The following GALNT17 variants were observed in gnomAD, a reference collection of about 807,000 sequenced individuals.
GALNT17 encodes UDP-GalNAc:polypeptide N-acetylgalactosaminyltransferase-like 3.
In GALNT17, 29 loss-of-function variants were observed where a neutral mutation model predicts 63.7. That is an observed-to-expected ratio of 0.46 (90% confidence interval 0.34 to 0.62). The LOEUF (loss-of-function observed/expected upper bound fraction) is 0.62, where lower values mean the gene tolerates loss of function less well. Ranked by LOEUF, GALNT17 falls within the 20% of genes least tolerant of loss-of-function variation. GALNT17 has a pLI of 0.01. For synonymous variants in GALNT17, 305 were observed against 318.3 expected (o/e 0.96, Z 0.45); for missense variants, 603 against 799.6 (o/e 0.75, Z 2.97).
chr7:71,243,520 A>T (rs1215894464), intron 1 of GALNT17, among the ~76,000 whole-genome samples: 1 of 152,128 alleles, frequency 6.6e-6, no homozygotes, highest in African/African-American at 2.4e-5. Context: ...CCACAAGCAG[A>T]AATATGCAAT....
chr7:71,229,175 A>G (rs914552041), intron 1 of GALNT17, among the ~76,000 whole-genome samples: 12 of 152,156 alleles, frequency 7.9e-5, no homozygotes, highest in Non-Finnish European at 1.8e-4. Flanking sequence ...CCATTTTATG[A>G]TCATGGGTGG....
intron 5 of GALNT17, among the ~76,000 whole-genome samples, chr7:71,429,569 A>T (rs530708522): frequency 1.2e-4 from 19 of 152,282 alleles, no homozygotes; most frequent in Non-Finnish European, 2.5e-4. Context: ...TAGAGATAAG[A>T]TCTCACTCTG....
chr7:71,259,547 A>G (rs1490391778), intron 1 of GALNT17, among the ~76,000 whole-genome samples: 1 of 152,068 alleles, frequency 6.6e-6, no homozygotes, highest in Non-Finnish European at 1.5e-5. Flanking sequence ...TGCTTAGTGG[A>G]CAGTGTCACA....
At chr7:71,451,975 C>G (rs1442470418) in intron 5 of GALNT17, among the ~76,000 whole-genome samples, 1 of 151,682 alleles carries the variant, frequency 6.6e-6, no homozygotes, top group African/African-American at 2.4e-5. Flanking sequence ...TTTTGGAGGC[C>G]AAGGCAGGAG....
chr7:71,652,413 T>C (rs1391808898), intron 6 of GALNT17, among the ~76,000 whole-genome samples: 1 of 152,156 alleles, frequency 6.6e-6, no homozygotes, highest in Non-Finnish European at 1.5e-5. Flanking sequence ...TGAAAGAGAA[T>C]GTTGATTTAA....
intron 1 of GALNT17, among the ~76,000 whole-genome samples, chr7:71,314,630 T>C (rs577512318): frequency 1.3e-5 from 2 of 152,272 alleles, no homozygotes; most frequent in African/African-American, 2.4e-5. Flanking sequence ...TTGAGATTAA[T>C]TTACATCCCA....
chr7:71,676,340 A>G (rs977883363), intron 8 of GALNT17, among the ~76,000 whole-genome samples: 2 of 151,988 alleles, frequency 1.3e-5, no homozygotes, highest in African/African-American at 4.8e-5. Flanking sequence ...GAATATATAA[A>G]TAGATACTGC....
intron 5 of GALNT17, among the ~76,000 whole-genome samples, chr7:71,477,135 A>G (rs1394990915): frequency 1.3e-5 from 2 of 152,176 alleles, no homozygotes; most frequent in African/African-American, 4.8e-5. Flanking sequence ...ATAATTAATT[A>G]TCATCATCAT....
intron 1 of GALNT17, among the ~76,000 whole-genome samples, chr7:71,329,865 T>C (rs1235494349): frequency 6.6e-6 from 1 of 151,928 alleles, no homozygotes; most frequent in African/African-American, 2.4e-5. Context: ...GCCATATACC[T>C]TGGAGGTCCT....
intron 1 of GALNT17, chr7:71,284,742 C>G (rs1790842040): frequency 6.6e-6 from 1 of 152,182 alleles, no homozygotes; most frequent in South Asian, 2.1e-4. Flanking sequence ...TTAAGAAGTT[C>G]TAGAGGCAGG....
intron 1 of GALNT17, among the ~76,000 whole-genome samples, chr7:71,334,203 AT>A (rs1791857437): frequency 6.6e-6 from 1 of 152,162 alleles, no homozygotes; most frequent in South Asian, 2.1e-4. Flanking sequence ...CAGAAAATAA[AT>A]TTCTGTTTTC....
intron 6 of GALNT17, among the ~76,000 whole-genome samples, chr7:71,615,062 C>T (rs547784712): frequency 6.6e-6 from 1 of 152,242 alleles, no homozygotes; most frequent in Admixed American, 6.5e-5. Flanking sequence ...TCAAGACCAG[C>T]GTGATTGGCA....
At chr7:71,383,819 G>C (rs762402582) in intron 2 of GALNT17, among the ~76,000 whole-genome samples, 1 of 152,110 alleles carries the variant, frequency 6.6e-6, no homozygotes, top group East Asian at 1.9e-4. Flanking sequence ...GATTAGAAAG[G>C]CTGACTCCAC....
In GALNT17 at chr7:71,364,959, C is replaced by T. The variant is rs188279197; in HGVS notation, c.423-23276C>T. Among the ~76,000 whole-genome samples, 205 of 120,624 alleles carry T rather than the reference C, an allele frequency of 1.7e-3. 1 individual carries two copies. Among genetic ancestry groups the T allele is most frequent in the African/African-American group, 6.3e-3 (193 of 30,852 alleles). The allele number at this position is 120,624 out of a possible 152,430, so 79.1% of individuals were successfully genotyped here. On this transcript the variant is annotated intron_variant, in intron 2 of 10. Coordinates refer to ENST00000333538, the MANE Select transcript of GALNT17 (RefSeq NM_022479.3). ...TATTATTTTTATTTTGAGATGGAGT[C>T]TCACTCTGTCCCCCAGGCTGGAGTG...
At chr7:71,202,254 A>T (rs533574318) in intron 1 of GALNT17, among the ~76,000 whole-genome samples, 1 of 152,198 alleles carries the variant, frequency 6.6e-6, no homozygotes, top group Non-Finnish European at 1.5e-5. Context: ...AATTAGATAA[A>T]TTTTAATTAA....
At chr7:71,322,674 A>T (rs777325945) in intron 1 of GALNT17, among the ~76,000 whole-genome samples, 4 of 152,192 alleles carry the variant, frequency 2.6e-5, no homozygotes, top group Non-Finnish European at 2.9e-5. Flanking sequence ...TTTGGAGATG[A>T]GGCCTTTCGG....
chr7:71,231,759 A>C (rs1297537064), intron 1 of GALNT17, among the ~76,000 whole-genome samples: 3 of 150,334 alleles, frequency 2.0e-5, no homozygotes, highest in South Asian at 4.2e-4. Context: ...GGAGAGAGAG[A>C]GAGAGGGAGA....
At chr7:71,557,845 G>A (rs1363717866) in intron 5 of GALNT17, among the ~76,000 whole-genome samples, 3 of 151,958 alleles carry the variant, frequency 2.0e-5, no homozygotes, top group South Asian at 2.1e-4. Context: ...GGCCAAAGCA[G>A]GCGGATCACT....
At position 71,647,316 on chromosome 7, in the gene GALNT17, G is replaced by A. The variant is rs562548900; in HGVS notation, c.1081-18095G>A. Among the ~76,000 whole-genome samples the A allele has an allele frequency of 1.8e-3, 274 of 150,916 alleles. 1 individual carries two copies. The highest frequency in any genetic ancestry group is 6.4e-3 in the African/African-American group (260 of 40,654). On this transcript the variant is annotated intron_variant, in intron 6 of 10. Coordinates refer to ENST00000333538, the MANE Select transcript of GALNT17 (RefSeq NM_022479.3). ...ACTCCTGACTTCAAGTGATCTGCCT[G>A]CCTCGGCCTCCCAAATCACTGGGAC...
Sources: allele counts gnomAD v4.1 joint callset (sites outside exome capture counted in the v4.1 genomes callset), GRCh38; gene constraint gnomAD v4.1.1; transcripts MANE v1.5; gene names NCBI Gene and HGNC (gene_info 2026-07-23, HGNC 2026-07-21).